Variants in HLCS observed in about 807,000 individuals in gnomAD.
HLCS encodes holocarboxylase synthetase.
Under a neutral mutation model 75.0 loss-of-function variants are expected in HLCS, and 53 were observed. The ratio of observed to expected loss-of-function variants is 0.71; its 90% CI spans 0.57 to 0.89. HLCS has a LOEUF of 0.89. HLCS is among the 40% of genes least tolerant of loss of function. The pLI, the probability that HLCS is intolerant of heterozygous loss-of-function variation, is 0.00. For missense variants in HLCS, 966 were observed against 1,074.0 expected (o/e 0.90, Z 1.41); for synonymous variants, 431 against 428.6 (o/e 1.01, Z -0.07).
intron 6 of HLCS, among the ~76,000 whole-genome samples, chr21:36,801,869 A>G (rs1785209663): frequency 1.3e-5 from 2 of 152,010 alleles, no homozygotes. Flanking sequence ...CCTGGTCTCA[A>G]GCAATCCTCA....
chr21:36,856,620 CT>C (rs2063202438), intron 6 of HLCS, among the ~76,000 whole-genome samples: 1 of 151,876 alleles, frequency 6.6e-6, no homozygotes, highest in African/African-American at 2.4e-5. Context: ...ATAAACTGTT[CT>C]AGGAAGTATA....
chr21:36,920,908 C>T (rs2066136512), intron 5 of HLCS, among the ~76,000 whole-genome samples: 1 of 151,988 alleles, frequency 6.6e-6, no homozygotes, highest in Admixed American at 6.6e-5. Flanking sequence ...GTCTGGCTAT[C>T]CCCCCACCCC....
At position 36,936,928 on chromosome 21, in the gene HLCS, G is replaced by A. The variant is rs1288729804; in HGVS notation, c.958C>T (p.Gln320Ter). Residue 320 changes from glutamine to a stop codon, truncating the protein, a stop_gained, in exon 4 of 11, where the codon CAG (glutamine) becomes TAG (stop). Coordinates refer to ENST00000674895, the MANE Select transcript of HLCS (RefSeq NM_001352514.2). LOFTEE classifies it high-confidence loss of function. ...TCGTGGAACCGGCCGAGGGCTTCCT[G>A]GGAGTCGGAGCCCACATAGAGGAGG... ...NILLYVGSDS[Q>*]EALGRFHEVR... 3.1e-6 allele frequency: 5 copies of A among 1,614,146 alleles called. No individual in the cohort carries two copies. Among genetic ancestry groups the A allele is most frequent in the Admixed American group, 1.7e-5 (1 of 60,012 alleles).
At chr21:36,759,188 G>A (rs916810203) in intron 9 of HLCS, 6 of 470,984 alleles carry the variant, frequency 1.3e-5, no homozygotes, top group African/African-American at 1.2e-4. Context: ...CTGATGACTG[G>A]ACGGCCAGGA....
chr21:36,781,797 C>T (rs2060542737), intron 6 of HLCS, among the ~76,000 whole-genome samples: 1 of 152,070 alleles, frequency 6.6e-6, no homozygotes, highest in Non-Finnish European at 1.5e-5. Context: ...TAGTGTTTCC[C>T]TGCTATATAA....
intron 6 of HLCS, among the ~76,000 whole-genome samples, chr21:36,790,846 T>C (rs1411092307): frequency 6.6e-6 from 1 of 152,108 alleles, no homozygotes; most frequent in Non-Finnish European, 1.5e-5. Flanking sequence ...GGCAGAACTG[T>C]GGTGTTCTCT....
At chr21:36,821,714 C>A (rs1176225477) in intron 6 of HLCS, among the ~76,000 whole-genome samples, 1 of 152,196 alleles carries the variant, frequency 6.6e-6, no homozygotes. Context: ...ACACTTTCCG[C>A]ATTTTGTCTG....
intron 6 of HLCS, among the ~76,000 whole-genome samples, chr21:36,886,577 C>T (rs1187531008): frequency 2.6e-5 from 4 of 152,046 alleles, no homozygotes; most frequent in African/African-American, 7.3e-5. Flanking sequence ...TGCTGTTCTG[C>T]GCAGTCAAAT....
intron 2 of HLCS, among the ~76,000 whole-genome samples, chr21:36,942,704 G>A (rs1417378242): frequency 6.6e-6 from 1 of 152,096 alleles, no homozygotes; most frequent in Non-Finnish European, 1.5e-5. Flanking sequence ...AAAAATAGGA[G>A]AAAGTATTGG....
rs565690761 is a variant in HLCS at position 36,754,555 on chromosome 21, C to T, written c.2451-138G>A. 8.7e-5 allele frequency: 73 copies of T among 838,676 alleles called. 3 individuals carry two copies. In the South Asian group the frequency reaches 1.1e-3, roughly 12 times the overall value. The allele number at this position is 838,676 out of a possible 1,614,324, so 52.0% of individuals were successfully genotyped here. A position where few individuals can be genotyped will look rare whatever the true frequency, so the allele number is the denominator to read the frequency against. On this transcript the variant is annotated intron_variant, in intron 10 of 10. Transcript: ENST00000674895. ...AGGCTCGCTGCAGGGAAAAGGCAGC[C>T]TGGGCTGAGCTCTGACTTTCTTCCA...
chr21:36,839,508 C>T (rs538407175), intron 6 of HLCS, among the ~76,000 whole-genome samples: 237 of 152,010 alleles, frequency 1.6e-3, no homozygotes, highest in Non-Finnish European at 2.6e-3. Flanking sequence ...AGAAGGGAGA[C>T]GGGAGAGGTG....
At chr21:36,796,185 GATGTGA>G (rs2061019693) in intron 6 of HLCS, among the ~76,000 whole-genome samples, 1 of 152,158 alleles carries the variant, frequency 6.6e-6, no homozygotes, top group Admixed American at 6.5e-5. Context: ...TAAACACACA[GATGTGA>G]AAATCATGAA....
chr21:36,975,527 C>T (rs1202493048), intron 1 of HLCS, among the ~76,000 whole-genome samples: 2 of 152,190 alleles, frequency 1.3e-5, no homozygotes, highest in African/African-American at 2.4e-5. Flanking sequence ...TGCCTGCCCC[C>T]ACCCCAGAAA....
chr21:36,834,155 C>A lies in HLCS; in HGVS notation c.1892+62705G>T, dbSNP rs149522129. On this transcript the variant is annotated intron_variant, in intron 6 of 10. Transcript: ENST00000674895. ...GTACGCCGGGGTCCTGGAACCAATC[C>A]CTCACAGATACTGAAGGATAGCTGT... Among the ~76,000 whole-genome samples the A allele has an allele frequency of 5.4e-3, 820 of 152,312 alleles. 4 individuals are homozygous for A. Among genetic ancestry groups the A allele is most frequent in the African/African-American group, 0.014 (586 of 41,556 alleles).
intron 6 of HLCS, among the ~76,000 whole-genome samples, chr21:36,810,783 T>C (rs2061489025): frequency 6.6e-6 from 1 of 152,144 alleles, no homozygotes; most frequent in South Asian, 2.1e-4. Context: ...AAGTAAAATA[T>C]AAAAACAGCT....
chr21:36,888,657 T>C (rs927953498), intron 6 of HLCS, among the ~76,000 whole-genome samples: 1 of 151,360 alleles, frequency 6.6e-6, no homozygotes, highest in African/African-American at 2.4e-5. Flanking sequence ...GATAAAAGGC[T>C]GGTTGGTGGA....
intron 2 of HLCS, among the ~76,000 whole-genome samples, chr21:36,948,972 C>T (rs1055552946): frequency 6.6e-6 from 1 of 152,052 alleles, no homozygotes; most frequent in African/African-American, 2.4e-5. Context: ...GAATAAATAT[C>T]TTTGTTGCCA....
At chr21:36,917,823 C>A (rs914883830) in intron 5 of HLCS, among the ~76,000 whole-genome samples, 2 of 151,868 alleles carry the variant, frequency 1.3e-5, no homozygotes, top group Admixed American at 1.3e-4. Context: ...TAATGAAGGT[C>A]GCTGCAAGCA....
intron 5 of HLCS, among the ~76,000 whole-genome samples, chr21:36,906,679 T>C: frequency 1.3e-5 from 1 of 74,410 alleles, no homozygotes; most frequent in African/African-American, 5.5e-5. Context: ...CCAGAAGGCT[T>C]TTTTTTTTTT....
Sources: gnomAD v4.1 joint callset for allele counts (sites outside exome capture counted in the v4.1 genomes callset) on GRCh38, gnomAD v4.1.1 for gene constraint, MANE v1.5 for transcripts, NCBI Gene and HGNC (gene_info 2026-07-23, HGNC 2026-07-21) for gene names.